The following AUTS2 variants were observed in gnomAD, a reference collection of about 807,000 sequenced individuals.
AUTS2 encodes the protein autism susceptibility gene 2 protein.
Under a neutral mutation model 112.4 loss-of-function variants are expected in AUTS2, and 17 were observed. That is an observed-to-expected ratio of 0.15 (90% CI 0.10 to 0.23). The LOEUF is 0.23. Ranked by LOEUF, AUTS2 falls within the 10% of genes least tolerant of loss-of-function variation. The pLI is 1.00. For missense variants in AUTS2, 1,510 were observed against 1,701.6 expected (o/e 0.89, Z 1.98); for synonymous variants, 751 against 702.7 (o/e 1.07, Z -1.09).
intron 2 of AUTS2, among the ~76,000 whole-genome samples, chr7:69,922,652 T>G (rs2129543025): frequency 6.6e-6 from 1 of 152,334 alleles, no homozygotes; most frequent in Middle Eastern, 3.4e-3. Flanking sequence ...GCTTTCCTAG[T>G]CTGTACACCA....
At chr7:70,091,172 A>G (rs1404347394) in intron 2 of AUTS2, among the ~76,000 whole-genome samples, 1 of 152,208 alleles carries the variant, frequency 6.6e-6, no homozygotes, top group Non-Finnish European at 1.5e-5. Flanking sequence ...TTTTTTAAGT[A>G]AGAAAATTAG....
At chr7:70,242,675 G>T (rs1812684250) in intron 4 of AUTS2, among the ~76,000 whole-genome samples, 2 of 152,032 alleles carry the variant, frequency 1.3e-5, no homozygotes, top group African/African-American at 2.4e-5. Context: ...ATTCAACCTG[G>T]TTTCTCATCC....
At chr7:70,057,854 G>A (rs1156692029) in intron 2 of AUTS2, among the ~76,000 whole-genome samples, 1 of 152,164 alleles carries the variant, frequency 6.6e-6, no homozygotes. Context: ...TGCTCAAAAT[G>A]TTACCATCAC....
At chr7:70,066,830 A>G (rs1236803628) in intron 2 of AUTS2, among the ~76,000 whole-genome samples, 2 of 152,004 alleles carry the variant, frequency 1.3e-5, no homozygotes, top group African/African-American at 4.8e-5. Flanking sequence ...ATGAGCCGCC[A>G]CTCCTGGCCC....
intron 4 of AUTS2, among the ~76,000 whole-genome samples, chr7:70,334,352 G>A (rs1222773483): frequency 6.6e-6 from 1 of 152,162 alleles, no homozygotes; most frequent in Admixed American, 6.6e-5. Context: ...TGGTCCTGTG[G>A]TAAGTAAAAT....
chr7:69,799,756 T>C (rs991567090), intron 1 of AUTS2, among the ~76,000 whole-genome samples: 1 of 152,198 alleles, frequency 6.6e-6, no homozygotes, highest in African/African-American at 2.4e-5. Flanking sequence ...CCTCAGTCTT[T>C]TTTTCCTCAT....
chr7:70,066,051 T>A (rs964033589), intron 2 of AUTS2, among the ~76,000 whole-genome samples: 1 of 152,224 alleles, frequency 6.6e-6, no homozygotes, highest in African/African-American at 2.4e-5. Context: ...TTAGCAGCGA[T>A]GTTGCTGACT....
chr7:70,218,486 T>C (rs775097095), intron 4 of AUTS2, among the ~76,000 whole-genome samples: 5 of 152,084 alleles, frequency 3.3e-5, no homozygotes, highest in Admixed American at 1.3e-4. Flanking sequence ...AAAGCCATGG[T>C]CCTTGCCCTC....
intron 5 of AUTS2, among the ~76,000 whole-genome samples, chr7:70,630,336 C>G (rs996245646): frequency 2.0e-5 from 3 of 152,190 alleles, no homozygotes; most frequent in Non-Finnish European, 4.4e-5. Context: ...TGCCAAATCT[C>G]TGCTCCAAAT....
At chr7:69,965,003 A>G (rs1445514896) in intron 2 of AUTS2, among the ~76,000 whole-genome samples, 1 of 151,614 alleles carries the variant, frequency 6.6e-6, no homozygotes, top group Non-Finnish European at 1.5e-5. Context: ...TGTCCTGCCC[A>G]TTTCCTCCCA....
intron 1 of AUTS2, among the ~76,000 whole-genome samples, chr7:69,688,213 T>C (rs1418871864): frequency 2.0e-5 from 3 of 152,220 alleles, no homozygotes; most frequent in Non-Finnish European, 4.4e-5. Flanking sequence ...AATGAATTGG[T>C]GGATTCCCTT....
At chr7:70,087,591 G>A (rs903387130) in intron 2 of AUTS2, among the ~76,000 whole-genome samples, 3 of 151,806 alleles carry the variant, frequency 2.0e-5, no homozygotes, top group Admixed American at 6.6e-5. Flanking sequence ...GGATGCTCTC[G>A]ATCTCCTGAT....
In AUTS2 at chr7:69,874,746, C is replaced by A. The variant is rs113714410; in HGVS notation, c.310-24540C>A. On this transcript the variant is annotated intron_variant, in intron 1 of 18. Transcript: ENST00000342771. ...CGATCTCGGCTTACTGCAACCTTTG[C>A]CTCCCTGGTTCAAGAGATTCTCATG... is the stretch of plus-strand genomic sequence containing the variant. Among the ~76,000 whole-genome samples, 1,245 of 152,160 alleles carry A rather than the reference C, an allele frequency of 8.2e-3. 25 individuals are homozygous for A. Among genetic ancestry groups the A allele is most frequent in the South Asian group, 0.058 (279 of 4,802 alleles).
chr7:70,605,609 A>C (rs950134499), intron 5 of AUTS2, among the ~76,000 whole-genome samples: 13 of 136,896 alleles, frequency 9.5e-5, no homozygotes, highest in African/African-American at 3.7e-4. Context: ...TCCCACTGAA[A>C]TCTACTTAAG....
chr7:69,732,028 A>G (rs1490111036), intron 1 of AUTS2, among the ~76,000 whole-genome samples: 1 of 151,848 alleles, frequency 6.6e-6, no homozygotes, highest in African/African-American at 2.4e-5. Context: ...GCCATGCCTC[A>G]CTAGCCTAGT....
At chr7:70,455,109 G>A (rs1796681778) in intron 5 of AUTS2, among the ~76,000 whole-genome samples, 1 of 152,198 alleles carries the variant, frequency 6.6e-6, no homozygotes, top group African/African-American at 2.4e-5. Flanking sequence ...TCGTTTGCCA[G>A]TTCTGACTTA....
At chr7:69,904,923 A>T (rs1795096110) in intron 2 of AUTS2, among the ~76,000 whole-genome samples, 1 of 152,210 alleles carries the variant, frequency 6.6e-6, no homozygotes, top group South Asian at 2.1e-4. Context: ...TAGTTTTAAC[A>T]TCAGGTAATT....
chr7:69,688,488 CCT>C (rs1797158174), intron 1 of AUTS2, among the ~76,000 whole-genome samples: 1 of 152,036 alleles, frequency 6.6e-6, no homozygotes, highest in Non-Finnish European at 1.5e-5. Context: ...TTGTTTATTT[CCT>C]TTTTTTCTTT....
At chr7:70,056,522 TG>T (rs1288627339) in intron 2 of AUTS2, among the ~76,000 whole-genome samples, 1 of 152,236 alleles carries the variant, frequency 6.6e-6, no homozygotes, top group Non-Finnish European at 1.5e-5. Flanking sequence ...TTAATCTCAG[TG>T]CTCGGGCTCA....
Sources: gnomAD v4.1 joint callset for allele counts (sites outside exome capture counted in the v4.1 genomes callset) on GRCh38, gnomAD v4.1.1 for gene constraint, MANE v1.5 for transcripts, NCBI Gene and HGNC (gene_info 2026-07-23, HGNC 2026-07-21) for gene names.